Variants in MAML3 observed in about 807,000 individuals in gnomAD.
The protein encoded by MAML3 is mastermind like transcriptional coactivator 3.
Under a neutral mutation model 101.9 loss-of-function variants are expected in MAML3, and 27 were observed. That is an observed-to-expected ratio of 0.27 (90% CI 0.20 to 0.37). MAML3 has a LOEUF of 0.37. MAML3 is among the 10% of genes least tolerant of loss of function. The pLI, the probability that MAML3 is intolerant of heterozygous loss-of-function variation, is 1.00. For synonymous variants in MAML3, 501 were observed against 555.9 expected, an observed-to-expected ratio of 0.90 and a Z score of 1.39; for missense variants, 1,316 against 1,444.9, an observed-to-expected ratio of 0.91 and a Z score of 1.45.
chr4:139,985,808 G>C (rs1734528511), intron 1 of MAML3, among the ~76,000 whole-genome samples: 1 of 152,230 alleles, frequency 6.6e-6, no homozygotes, highest in South Asian at 2.1e-4. Flanking sequence ...AGACACCAGG[G>C]AGAGTTTAAG....
intron 1 of MAML3, among the ~76,000 whole-genome samples, chr4:140,071,197 C>T (rs1035864198): frequency 2.5e-4 from 38 of 152,148 alleles, no homozygotes; most frequent in African/African-American, 9.2e-4. Context: ...TGCAGACGAC[C>T]CATGTGTGCA....
chr4:140,101,448 T>C (rs1728250965), intron 1 of MAML3, among the ~76,000 whole-genome samples: 2 of 152,190 alleles, frequency 1.3e-5, no homozygotes, highest in Admixed American at 6.5e-5. Flanking sequence ...TACACATTTC[T>C]TTCAGATAAG....
chr4:139,966,235 T>TAA (rs1734128181), intron 1 of MAML3, among the ~76,000 whole-genome samples: 1 of 152,222 alleles, frequency 6.6e-6, no homozygotes, highest in South Asian at 2.1e-4. Context: ...CATGTGTACC[T>TAA]GTTAACTCTT....
chr4:140,042,772 G>C (rs9917873), intron 1 of MAML3, among the ~76,000 whole-genome samples: 4 of 152,126 alleles, frequency 2.6e-5, no homozygotes, highest in Non-Finnish European at 5.9e-5. Context: ...AAGGGACTGC[G>C]GAGCTTCCTG....
intron 1 of MAML3, among the ~76,000 whole-genome samples, chr4:139,930,985 A>G (rs570361834): frequency 3.9e-5 from 6 of 152,274 alleles, no homozygotes; most frequent in Admixed American, 2.0e-4. Flanking sequence ...TCTAAAAAAA[A>G]GGGGTAACAG....
At chr4:139,874,692 T>C (rs1732074906) in intron 2 of MAML3, among the ~76,000 whole-genome samples, 2 of 152,156 alleles carry the variant, frequency 1.3e-5, no homozygotes, top group Admixed American at 1.3e-4. Context: ...TTAATGTTTT[T>C]AATTTTAAAA....
At chr4:139,889,170 C>A in intron 2 of MAML3, 187 bp downstream of exon 2, 1 of 1,113,512 alleles carries the variant, frequency 9.0e-7, no homozygotes, top group Non-Finnish European at 1.4e-6. Context: ...ATCATGCCAC[C>A]CTTTTCCATT....
rs1553981310 is a variant in MAML3 at position 140,145,878 on chromosome 4, C to CTTTTCTTT, written c.468+6981_468+6982insAAAGAAAA. Among the ~76,000 whole-genome samples, 284 of 108,494 alleles carry CTTTTCTTT rather than the reference C, an allele frequency of 2.6e-3. 3 individuals carry two copies. Among genetic ancestry groups the CTTTTCTTT allele is most frequent in the Middle Eastern group, 0.017 (2 of 120 alleles). 71.2% of individuals were successfully genotyped at this position (108,494 alleles called of 152,430 possible). ...GCGCCTGGCCTTTTTTTTCTTTTTT[C>CTTTTCTTT]TTTTTTTTTTTTGAGAAGGATTTTT... On this transcript the variant is annotated intron_variant, in intron 1 of 4. Transcript: ENST00000509479.
intron 2 of MAML3, among the ~76,000 whole-genome samples, chr4:139,779,199 T>C (rs1185354800): frequency 6.6e-6 from 1 of 152,172 alleles, no homozygotes; most frequent in African/African-American, 2.4e-5. Flanking sequence ...TAATCTATTT[T>C]ATTTTTGCCC....
chr4:139,871,148 C>G (rs1325925826), intron 2 of MAML3, among the ~76,000 whole-genome samples: 1 of 152,182 alleles, frequency 6.6e-6, no homozygotes, highest in Non-Finnish European at 1.5e-5. Context: ...TGATGCTAGA[C>G]TATACATTTT....
chr4:139,876,804 G>A (rs1419672984), intron 2 of MAML3, among the ~76,000 whole-genome samples: 3 of 152,234 alleles, frequency 2.0e-5, no homozygotes, highest in Non-Finnish European at 2.9e-5. Context: ...TGGGGCTGCA[G>A]TTTATCGGCT....
At chr4:140,060,365 C>CAAAAAAAAAAAA (rs70943471) in intron 1 of MAML3, among the ~76,000 whole-genome samples, 1,752 of 19,058 alleles carry the variant, frequency 0.092, 681 homozygotes, top group South Asian at 0.17. Context: ...GACTCTGTCT[C>CAAAAAAAAAAAA]AAAAAAAAAA....
chr4:140,125,435 CTT>C (rs10593021), intron 1 of MAML3, among the ~76,000 whole-genome samples: 30,236 of 151,916 alleles, frequency 0.2, 3,006 homozygotes, highest in East Asian at 0.32. Context: ...AATTTAAAAA[CTT>C]TAAAAAAGTA....
chr4:140,068,775 A>C (rs1235234694), intron 1 of MAML3, among the ~76,000 whole-genome samples: 1 of 152,234 alleles, frequency 6.6e-6, no homozygotes, highest in Non-Finnish European at 1.5e-5. Flanking sequence ...AGTGGCACTC[A>C]ATAAATATGT....
chr4:139,735,388 T>A lies in MAML3; in HGVS notation c.2080-4721A>T, dbSNP rs1334484681. 6.6e-6 allele frequency among the ~76,000 whole-genome samples: 1 copy of A among 150,638 alleles called. No individual in the cohort carries two copies. The highest frequency in any genetic ancestry group is 1.5e-5 in the Non-Finnish European group (1 of 67,746). The stretch of plus-strand genomic sequence containing the variant: ...CTTCCAGCCGGAGGGGAGGAAGAAT[T>A]CAAGTGGGGGAGGGCGCGGGAAGGG... On this transcript the variant is annotated intron_variant, in intron 2 of 4. Transcript: ENST00000509479. This position sits in a 1 kb window ranked among gnomAD's most constrained non-coding sequence, Gnocchi z 5.8.
Position 139,730,478 on chromosome 4 carries a change from G to A in MAML3, c.2269C>T (p.Gln757Ter). Residue 757 changes from glutamine (Q) to a stop codon, truncating the protein, a stop_gained, in exon 3 of 5, where the codon CAG becomes TAG. Coordinates refer to ENST00000509479, the MANE Select transcript of MAML3 (RefSeq NM_018717.5). LOFTEE classifies it high-confidence loss of function. Reference protein sequence around the residue: ...RAQLIEQQKQQFLREQRQQQQ... With the variant: ...RAQLIEQQKQ Reference sequence around the variant, plus strand: ...TGCTGCCTTTGCTCCCGCAGGAACTGTTGCTTCTGCTGCTCTATCAACTGG... The same window carrying A: ...TGCTGCCTTTGCTCCCGCAGGAACTATTGCTTCTGCTGCTCTATCAACTGG... 1 of 1,553,130 alleles carries A rather than the reference G, an allele frequency of 6.4e-7. No individual in the cohort carries two copies. Among genetic ancestry groups the A allele is most frequent in the Non-Finnish European group, 8.7e-7 (1 of 1,147,806 alleles).
chr4:139,894,214 A>G (rs975778281), intron 1 of MAML3, among the ~76,000 whole-genome samples: 18 of 152,186 alleles, frequency 1.2e-4, no homozygotes, highest in African/African-American at 4.3e-4. Flanking sequence ...GTAGATGATT[A>G]TATTTGAAAA....
intron 1 of MAML3, among the ~76,000 whole-genome samples, chr4:139,900,854 C>CTAA (rs1732705255): frequency 6.6e-6 from 1 of 152,284 alleles, no homozygotes; most frequent in African/African-American, 2.4e-5. Context: ...AGCTAACCAG[C>CTAA]CAGGCATTGA....
chr4:140,083,959 CACACACACAGAGAGAGAGAGAG>C (rs939443967), intron 1 of MAML3, among the ~76,000 whole-genome samples: 10 of 29,186 alleles, frequency 3.4e-4, no homozygotes, highest in South Asian at 1.4e-3. Context: ...CACACACACA[CACACACACAGAGAGAGAGAGAG>C]AGAGAGAGAG....
Sources: gnomAD v4.1 joint callset for allele counts (sites outside exome capture counted in the v4.1 genomes callset) on GRCh38, gnomAD v4.1.1 for gene constraint, Gnocchi (gnomAD v3.1) non-coding constraint, MANE v1.5 for transcripts, NCBI Gene and HGNC (gene_info 2026-07-23, HGNC 2026-07-21) for gene names.